The following NOPCHAP1 variants were observed in gnomAD, a reference collection of about 807,000 sequenced individuals.
The protein encoded by NOPCHAP1 is NOP protein chaperone 1, also known as DNA damage-sensitive RNA 1.
Under a neutral mutation model 14.0 loss-of-function variants are expected in NOPCHAP1, and 13 were observed. The observed-to-expected ratio is 0.93, with a 90% CI of 0.60 to 1.47. The LOEUF is 1.47. Among genes scored for constraint, NOPCHAP1 ranks in the 40% most tolerant of loss-of-function variants. The pLI is 0.00. For missense variants in NOPCHAP1, 230 were observed against 226.9 expected (o/e 1.01, Z -0.09); for synonymous variants, 78 against 78.4 (o/e 1.00, Z 0.03).
intron 1 of NOPCHAP1, among the ~76,000 whole-genome samples, chr12:104,986,792 A>G (rs866494323): frequency 3.3e-5 from 5 of 152,184 alleles, no homozygotes; most frequent in African/African-American, 1.2e-4. Context: ...CTTTTGGGGA[A>G]GGGAGGGCTT....
Position 105,010,994 on chromosome 12 carries a change from A to G in NOPCHAP1, c.*16298A>G, listed in dbSNP as rs1339575538. ...AGTTCTGTAGATGTCTATTAAGCACACTTGGTCCAGAGCTGAGTTCAAGTC... is the reference window on the plus strand; with the variant it reads ...AGTTCTGTAGATGTCTATTAAGCACGCTTGGTCCAGAGCTGAGTTCAAGTC... On this transcript the variant is annotated 3_prime_UTR_variant, in exon 4 of 4. Coordinates refer to ENST00000552951, the MANE Select transcript of NOPCHAP1 (RefSeq NM_152318.3). The G allele has an allele frequency of 6.6e-6, 1 of 152,148 alleles. No individual in the cohort carries two copies. Among genetic ancestry groups the G allele is most frequent in the Non-Finnish European group, 1.5e-5 (1 of 68,006 alleles). The allele number at this position is 152,148 out of a possible 1,614,324, so 9.4% of individuals were successfully genotyped here.
In NOPCHAP1 at chr12:104,999,416, C is replaced by T. The variant is rs1259403873; in HGVS notation, c.*4720C>T. On this transcript the variant is annotated 3_prime_UTR_variant, in exon 4 of 4. Coordinates refer to ENST00000552951, the MANE Select transcript of NOPCHAP1 (RefSeq NM_152318.3). ...CGTAGGCCCCCAGGACGCACCCCAC[C>T]TGGGCATCTAAGGCTGCACTGCAAG... is the stretch of plus-strand genomic sequence containing the variant. 1 of 152,372 alleles carries T rather than the reference C, an allele frequency of 6.6e-6. No homozygotes were observed. The highest frequency in any genetic ancestry group is 1.9e-4 in the East Asian group (1 of 5,204). The allele number at this position is 152,372 out of a possible 1,614,324, so 9.4% of individuals were successfully genotyped here. A position where few individuals can be genotyped will look rare whatever the true frequency, so the allele number is the denominator to read the frequency against.
At chr12:104,990,684 TG>T (rs1441638123) in intron 2 of NOPCHAP1, among the ~76,000 whole-genome samples, 12 of 152,294 alleles carry the variant, frequency 7.9e-5, no homozygotes, top group African/African-American at 2.9e-4. Context: ...TAAATATCCT[TG>T]TTTGTTGACT....
Position 104,997,347 on chromosome 12 carries a change from GC to G in NOPCHAP1, c.*2652del, listed in dbSNP as rs1376845713. The G allele has an allele frequency of 6.6e-6, 1 of 152,144 alleles. No homozygotes were observed. Among genetic ancestry groups the G allele is most frequent in the Non-Finnish European group, 1.5e-5 (1 of 68,030 alleles). 9.4% of individuals were successfully genotyped at this position (152,144 alleles called of 1,614,324 possible). A position where few individuals can be genotyped will look rare whatever the true frequency, so the allele number is the denominator to read the frequency against. Reference sequence around the variant, plus strand: ...ATCTTATTTCTCCTTTGCTTATGAAGCTTAGTTTAGTCAGATATGAATTCTT... The same window carrying G: ...ATCTTATTTCTCCTTTGCTTATGAAGTTAGTTTAGTCAGATATGAATTCTT... On this transcript the variant is annotated 3_prime_UTR_variant, in exon 4 of 4. Coordinates refer to ENST00000552951, the MANE Select transcript of NOPCHAP1 (RefSeq NM_152318.3).
chr12:104,994,105 G>T (rs1432586390), intron 3 of NOPCHAP1, among the ~76,000 whole-genome samples: 3 of 152,220 alleles, frequency 2.0e-5, no homozygotes, highest in Non-Finnish European at 4.4e-5. Context: ...AGCGCTTTGG[G>T]AGGGCAAGGT....
rs1452058198 is a variant in NOPCHAP1 at position 104,991,693 on chromosome 12, C to T, written c.203-19C>T. 6.3e-7 allele frequency: 1 copy of T among 1,580,340 alleles called. No individual in the cohort carries two copies. The highest frequency in any genetic ancestry group is 2.0e-5 in the Admixed American group (1 of 49,956). On this transcript the variant is annotated intron_variant, in intron 2 of 3. Coordinates refer to ENST00000552951, the MANE Select transcript of NOPCHAP1 (RefSeq NM_152318.3). ...ATTTACTAGCATAAATGTTGATATG[C>T]TGTATTTACTTTCCACAGTATTGGA...
chr12:104,988,631 C>T (rs2136025154), intron 2 of NOPCHAP1, among the ~76,000 whole-genome samples: 1 of 152,252 alleles, frequency 6.6e-6, no homozygotes, highest in South Asian at 2.1e-4. Context: ...ACTTAGAATA[C>T]AGCATAATGG....
In NOPCHAP1 at chr12:104,994,518, A is replaced by T. The variant is rs1873453253; in HGVS notation, c.380A>T (p.Glu127Val). 1 of 1,613,888 alleles carries T rather than the reference A, an allele frequency of 6.2e-7. No individual in the cohort carries two copies. The highest frequency in any genetic ancestry group is 1.3e-5 in the African/African-American group (1 of 75,064). Reference protein sequence around the residue: ...LFEMNQSDSKEVDSSEESSQD... With the variant: ...LFEMNQSDSKVVDSSEESSQD... ...GAGATGAATCAGTCGGATTCAAAAGAAGTGGACAGTTCAGAAGAGAGTTCA... is the reference window on the plus strand; with the variant it reads ...GAGATGAATCAGTCGGATTCAAAAGTAGTGGACAGTTCAGAAGAGAGTTCA... Residue 127 changes from glutamate (E) to valine (V), a missense_variant, in exon 4 of 4, where the codon GAA (glutamate) becomes GTA (valine). Glu to Val is a moderately radical substitution (Grantham distance 121). Coordinates refer to ENST00000552951, the MANE Select transcript of NOPCHAP1 (RefSeq NM_152318.3).
rs1873614154 is a variant in NOPCHAP1, at chr12:105,001,721, G to A, written c.*7025G>A. ...TATGGGAACCTTTTCAACTTGATTTGAAACCCTACCACAGAAATAATGTTT... is the reference window on the plus strand; with the variant it reads ...TATGGGAACCTTTTCAACTTGATTTAAAACCCTACCACAGAAATAATGTTT... On this transcript the variant is annotated 3_prime_UTR_variant, in exon 4 of 4. Coordinates refer to ENST00000552951, the MANE Select transcript of NOPCHAP1 (RefSeq NM_152318.3). The A allele has an allele frequency of 1.3e-5, 2 of 152,134 alleles. No homozygotes were observed. The highest frequency in any genetic ancestry group is 4.8e-5 in the African/African-American group (2 of 41,426). The allele number at this position is 152,134 out of a possible 1,614,324, so 9.4% of individuals were successfully genotyped here. A position where few individuals can be genotyped will look rare whatever the true frequency, so the allele number is the denominator to read the frequency against.
At position 105,010,783 on chromosome 12, in the gene NOPCHAP1, T is replaced by A. The variant is rs957554746; in HGVS notation, c.*16087T>A. 3 of 152,112 alleles carry A rather than the reference T, an allele frequency of 2.0e-5. No individual in the cohort carries two copies. The highest frequency in any genetic ancestry group is 7.2e-5 in the African/African-American group (3 of 41,440). The allele number at this position is 152,112 out of a possible 1,614,324, so 9.4% of individuals were successfully genotyped here. On this transcript the variant is annotated 3_prime_UTR_variant, in exon 4 of 4. Coordinates refer to ENST00000552951, the MANE Select transcript of NOPCHAP1 (RefSeq NM_152318.3). ...TGTTCAGTTTCCACATAGTTGTGCA[T>A]TTTTTAGTGAATTTCTTAATCCTGA...
rs1873658021 is a variant in NOPCHAP1 at position 105,003,835 on chromosome 12, C to T, written c.*9139C>T. 1 of 152,218 alleles carries T rather than the reference C, an allele frequency of 6.6e-6. No individual in the cohort carries two copies. Among genetic ancestry groups the T allele is most frequent in the African/African-American group, 2.4e-5 (1 of 41,466 alleles). 9.4% of individuals were successfully genotyped at this position (152,218 alleles called of 1,614,324 possible). A position where few individuals can be genotyped will look rare whatever the true frequency, so the allele number is the denominator to read the frequency against. On this transcript the variant is annotated 3_prime_UTR_variant, in exon 4 of 4. Transcript: ENST00000552951. ...ACAGAAATAACTGGATTGGTTACAG[C>T]TAGGCATTTGCCCTATTTGTGCATG... is the stretch of plus-strand genomic sequence containing the variant.
At chr12:104,988,846 A>G (rs1873308839) in intron 2 of NOPCHAP1, among the ~76,000 whole-genome samples, 1 of 152,180 alleles carries the variant, frequency 6.6e-6, no homozygotes, top group Non-Finnish European at 1.5e-5. Flanking sequence ...GTACTCTGAA[A>G]GGAGAATTTA....
Position 104,986,477 on chromosome 12 carries a change from G to A in NOPCHAP1, c.115+10G>A, listed in dbSNP as rs1379133494. ...AGCGACGGCCGCGGAGGTGACGGAC[G>A]GGTGACGGCGGCATGGGCCGCACAC... On this transcript the variant is annotated intron_variant, in intron 1 of 3. Coordinates refer to ENST00000552951, the MANE Select transcript of NOPCHAP1 (RefSeq NM_152318.3). 6.3e-7 allele frequency: 1 copy of A among 1,588,646 alleles called. No individual in the cohort carries two copies.
Position 105,002,488 on chromosome 12 carries a change from C to G in NOPCHAP1, c.*7792C>G, listed in dbSNP as rs978421751. 16 of 152,184 alleles carry G rather than the reference C, an allele frequency of 1.1e-4. No individual in the cohort carries two copies. Among genetic ancestry groups the G allele is most frequent in the Admixed American group, 4.6e-4 (7 of 15,280 alleles). The allele number at this position is 152,184 out of a possible 1,614,324, so 9.4% of individuals were successfully genotyped here. A position where few individuals can be genotyped will look rare whatever the true frequency, so the allele number is the denominator to read the frequency against. ...TACAAATAGTCTTTCTGAATGGACC[C>G]TGTAATCTGAAACTGGTTCATTCTA... On this transcript the variant is annotated 3_prime_UTR_variant, in exon 4 of 4. Transcript: ENST00000552951.
At position 105,014,330 on chromosome 12, in the gene NOPCHAP1, A is replaced by G. The variant is rs1873903048; in HGVS notation, c.*19634A>G. On this transcript the variant is annotated 3_prime_UTR_variant, in exon 4 of 4. Coordinates refer to ENST00000552951, the MANE Select transcript of NOPCHAP1 (RefSeq NM_152318.3). Reference sequence around the variant, plus strand: ...ATGAGATAGACTGGTATCTACATATATTTAATGCATTTTTGACGTACCTAA... The same window carrying G: ...ATGAGATAGACTGGTATCTACATATGTTTAATGCATTTTTGACGTACCTAA... The G allele has an allele frequency of 6.6e-6, 1 of 152,182 alleles. No individual in the cohort carries two copies. The highest frequency in any genetic ancestry group is 6.5e-5 in the Admixed American group (1 of 15,280). The allele number at this position is 152,182 out of a possible 1,614,324, so 9.4% of individuals were successfully genotyped here.
At position 104,986,421 on chromosome 12, in the gene NOPCHAP1, C is replaced by T; in HGVS notation, c.69C>T (p.Val23=). 6.2e-7 allele frequency: 1 copy of T among 1,611,604 alleles called. No individual in the cohort carries two copies. Among genetic ancestry groups the T allele is most frequent in the Non-Finnish European group, 8.5e-7 (1 of 1,179,074 alleles). The change falls in exon 1 of 4, where the codon GTC becomes GTT. Residue 23 remains valine (V), a synonymous_variant. Coordinates refer to ENST00000552951, the MANE Select transcript of NOPCHAP1 (RefSeq NM_152318.3). ...CSSPTRDSSG[V]PVSKELLTAG... ...CGCCCACCCGGGATTCCTCAGGAGT[C>T]CCAGTGTCCAAGGAGCTGCTGACGG...
chr12:105,001,240 T>C lies in NOPCHAP1; in HGVS notation c.*6544T>C, dbSNP rs913177876. ...TTTCTAATAACTTATTGTCATAGCA[T>C]TGGCCTTCCTACATGATAAAGCTTC... On this transcript the variant is annotated 3_prime_UTR_variant, in exon 4 of 4. Transcript: ENST00000552951. The C allele has an allele frequency of 3.3e-5, 5 of 152,170 alleles. No individual in the cohort carries two copies. Among genetic ancestry groups the C allele is most frequent in the Non-Finnish European group, 1.5e-5 (1 of 68,018 alleles). 9.4% of individuals were successfully genotyped at this position (152,170 alleles called of 1,614,324 possible). A position where few individuals can be genotyped will look rare whatever the true frequency, so the allele number is the denominator to read the frequency against.
At position 104,997,073 on chromosome 12, in the gene NOPCHAP1, A is replaced by T. The variant is rs1249316268; in HGVS notation, c.*2377A>T. 3 of 152,182 alleles carry T rather than the reference A, an allele frequency of 2.0e-5. No homozygotes were observed. The highest frequency in any genetic ancestry group is 7.2e-5 in the African/African-American group (3 of 41,446). 9.4% of individuals were successfully genotyped at this position (152,182 alleles called of 1,614,324 possible). On this transcript the variant is annotated 3_prime_UTR_variant, in exon 4 of 4. Coordinates refer to ENST00000552951, the MANE Select transcript of NOPCHAP1 (RefSeq NM_152318.3). ...ACTGTTTCTTTTGATTGGGGCATTT[A>T]GCCCATTTACATTCAAGGTTAGTAT...
At position 105,013,128 on chromosome 12, in the gene NOPCHAP1, T is replaced by C. The variant is rs1223804064; in HGVS notation, c.*18432T>C. On this transcript the variant is annotated 3_prime_UTR_variant, in exon 4 of 4. Coordinates refer to ENST00000552951, the MANE Select transcript of NOPCHAP1 (RefSeq NM_152318.3). Reference sequence around the variant, plus strand: ...TTCTGTCCCAGGGAGATAGGACTTTTATCTATAATCCCCTTGACTGGGACT... The same window carrying C: ...TTCTGTCCCAGGGAGATAGGACTTTCATCTATAATCCCCTTGACTGGGACT... 1 of 152,280 alleles carries C rather than the reference T, an allele frequency of 6.6e-6. No individual in the cohort carries two copies. Among genetic ancestry groups the C allele is most frequent in the East Asian group, 1.9e-4 (1 of 5,198 alleles). The allele number at this position is 152,280 out of a possible 1,614,324, so 9.4% of individuals were successfully genotyped here.
Sources: allele counts gnomAD v4.1 joint callset (sites outside exome capture counted in the v4.1 genomes callset), GRCh38; gene constraint gnomAD v4.1.1; transcripts MANE v1.5; gene names NCBI Gene and HGNC (gene_info 2026-07-23, HGNC 2026-07-21).